The following ZNF91 variants were observed in gnomAD, a reference collection of about 807,000 sequenced individuals.
ZNF91 encodes zinc finger protein 91 (HPF7, HTF10).
A neutral mutation model predicts 12.6 loss-of-function variants in ZNF91; 7 were observed. The observed-to-expected ratio is 0.55, with a 90% CI of 0.31 to 1.04. The LOEUF (loss-of-function observed/expected upper bound fraction) is 1.04. Among genes scored for constraint, ZNF91 ranks in the 50% least tolerant of loss-of-function variants. ZNF91 has a pLI of 0.05. For missense variants in ZNF91, 1,217 were observed against 1,385.4 expected (o/e 0.88, Z 1.93); for synonymous variants, 453 against 462.6 (o/e 0.98, Z 0.27).
chr19:23,341,321 T>C (rs1968119079), intron 3 of ZNF91, among the ~76,000 whole-genome samples: 1 of 152,072 alleles, frequency 6.6e-6, no homozygotes. Flanking sequence ...AGTGTTGGGA[T>C]TACAGGCGTG....
At chr19:23,312,922 A>T (rs1967495473), upstream of ZNF91, among the ~76,000 whole-genome samples, 1 of 152,220 alleles carries the variant, frequency 6.6e-6, no homozygotes, top group Non-Finnish European at 1.5e-5. Flanking sequence ...AAAGCAGTCA[A>T]ATGTTGGAAA....
downstream of ZNF91, among the ~76,000 whole-genome samples, chr19:23,354,959 T>C (rs757325237): frequency 9.2e-5 from 14 of 152,196 alleles, no homozygotes; most frequent in South Asian, 2.1e-4. Context: ...AAACAAATCA[T>C]AGACAACACA....
intron 1 of ZNF91, among the ~76,000 whole-genome samples, chr19:23,310,136 C>G (rs1477690116): frequency 1.4e-4 from 22 of 151,960 alleles, no homozygotes; most frequent in Admixed American, 1.4e-3. Flanking sequence ...GAGTCCATAA[C>G]AGCACAAAGG....
chr19:23,306,636 CT>C (rs1345186331), intron 3 of ZNF91, among the ~76,000 whole-genome samples: 1 of 152,186 alleles, frequency 6.6e-6, no homozygotes, highest in Non-Finnish European at 1.5e-5. Context: ...TTATATAACT[CT>C]TGTGCCCTGG....
At chr19:23,373,376 ATATATATAT>A (rs1568395253) in intron 3 of ZNF91, among the ~76,000 whole-genome samples, 6 of 86,522 alleles carry the variant, frequency 6.9e-5, no homozygotes, top group African/African-American at 2.5e-4. Context: ...ATATATATAT[ATATATATAT>A]AAATAAACAG....
At chr19:23,384,344 G>A (rs144235204) in intron 1 of ZNF91, among the ~76,000 whole-genome samples, 14 of 152,154 alleles carry the variant, frequency 9.2e-5, no homozygotes, top group African/African-American at 3.4e-4. Context: ...GTGCACTCAG[G>A]TGGCCTCGCT....
chr19:23,375,316 C>T (rs535144770), intron 1 of ZNF91, among the ~76,000 whole-genome samples: 4 of 152,136 alleles, frequency 2.6e-5, no homozygotes, highest in South Asian at 2.1e-4. Context: ...CCCACCACCA[C>T]GCCCGGCTAA....
chr19:23,351,802 C>T (rs1231086548), intron 3 of ZNF91, among the ~76,000 whole-genome samples: 1 of 152,148 alleles, frequency 6.6e-6, no homozygotes, highest in African/African-American at 2.4e-5. Flanking sequence ...ACTGTGAGTG[C>T]CCCAACTGCA....
chr19:23,337,054 G>A (rs1968024628), downstream of ZNF91, among the ~76,000 whole-genome samples: 1 of 152,148 alleles, frequency 6.6e-6, no homozygotes, highest in South Asian at 2.1e-4. Flanking sequence ...GCATAGTGGT[G>A]AAGTCAGGGC....
chr19:23,333,359 A>G (rs1967956610), intron 1 of ZNF91, among the ~76,000 whole-genome samples: 1 of 152,246 alleles, frequency 6.6e-6, no homozygotes, highest in Non-Finnish European at 1.5e-5. Flanking sequence ...AAAAGTTCAT[A>G]ACGTGATATG....
At chr19:23,372,607 T>C (rs1178311567) in intron 3 of ZNF91, among the ~76,000 whole-genome samples, 2 of 152,204 alleles carry the variant, frequency 1.3e-5, no homozygotes, top group African/African-American at 2.4e-5. Flanking sequence ...CACTGAGAAT[T>C]TTGAACTGTA....
At chr19:23,320,507 T>C (rs1357718464) in intron 1 of ZNF91, among the ~76,000 whole-genome samples, 1 of 152,168 alleles carries the variant, frequency 6.6e-6, no homozygotes, top group Non-Finnish European at 1.5e-5. Context: ...ATCAGGAACC[T>C]TCTTCACAAG....
chr19:23,389,363 T>C (rs1969985824), intron 1 of ZNF91, among the ~76,000 whole-genome samples: 1 of 146,336 alleles, frequency 6.8e-6, no homozygotes, highest in Admixed American at 6.8e-5. Flanking sequence ...GAGGTGGGAA[T>C]ATGCCAGAAG....
downstream of ZNF91, among the ~76,000 whole-genome samples, chr19:23,335,619 C>T (rs557973146): frequency 2.0e-5 from 3 of 152,346 alleles, no homozygotes; most frequent in Non-Finnish European, 2.9e-5. Context: ...TGGGACCCTC[C>T]GTGCCAGGCA....
downstream of ZNF91, among the ~76,000 whole-genome samples, chr19:23,352,713 G>A (rs1436300994): frequency 1.3e-5 from 2 of 152,156 alleles, no homozygotes; most frequent in African/African-American, 2.4e-5. Flanking sequence ...CTGTCTTCAG[G>A]AGACTCAGCT....
chr19:23,342,565 T>C (rs1018312088), intron 3 of ZNF91, among the ~76,000 whole-genome samples: 2 of 151,990 alleles, frequency 1.3e-5, no homozygotes, highest in Non-Finnish European at 2.9e-5. Flanking sequence ...AGGATACAGA[T>C]TAGCTCAAGA....
At chr19:23,389,829 T>G (rs1970000268) in intron 1 of ZNF91, among the ~76,000 whole-genome samples, 1 of 152,148 alleles carries the variant, frequency 6.6e-6, no homozygotes, top group Non-Finnish European at 1.5e-5. Flanking sequence ...GCACAGACCT[T>G]GATTCAGGGC....
chr19:23,379,821 TC>T (rs1397973392), intron 1 of ZNF91, among the ~76,000 whole-genome samples: 1 of 152,312 alleles, frequency 6.6e-6, no homozygotes, highest in Non-Finnish European at 1.5e-5. Context: ...CACTCCTGCT[TC>T]CCCTCTTCTG....
rs553852128 is a variant in ZNF91, at chr19:23,316,484, A to T, written n.117-7387T>A. 6.6e-5 allele frequency among the ~76,000 whole-genome samples: 10 copies of T among 152,288 alleles called. No individual in the cohort carries two copies. The South Asian group carries it at 2.1e-3, about 32-fold the overall frequency. On this transcript the variant is annotated intron_variant and non_coding_transcript_variant, in intron 1 of 1. Transcript: ENST00000596528. Reference sequence around the variant, plus strand: ...GGTGACTCTGCAGCCTGCACCCTGCAGGGGTTGTAACGTATTCCTGGCTGA... The same window carrying T: ...GGTGACTCTGCAGCCTGCACCCTGCTGGGGTTGTAACGTATTCCTGGCTGA...
Sources: allele counts gnomAD v4.1 joint callset (sites outside exome capture counted in the v4.1 genomes callset), GRCh38; gene constraint gnomAD v4.1.1; transcripts MANE v1.5; gene names NCBI Gene and HGNC (gene_info 2026-07-23, HGNC 2026-07-21).